Variants in ANKRD12 observed in about 807,000 individuals in gnomAD.
ANKRD12 encodes the protein ankyrin repeat domain 12, also known as ankyrin repeat domain-containing protein 12.
A neutral mutation model predicts 183.4 loss-of-function variants in ANKRD12; 85 were observed. That is an observed-to-expected ratio of 0.46 (90% CI 0.39 to 0.56). The LOEUF (loss-of-function observed/expected upper bound fraction) is 0.56. Ranked by LOEUF, ANKRD12 falls within the 20% of genes least tolerant of loss-of-function variation. The pLI is 0.00. For missense variants in ANKRD12, 2,405 were observed against 2,357.1 expected (o/e 1.02, Z -0.42); for synonymous variants, 914 against 800.2 (o/e 1.14, Z -2.40).
intron 8 of ANKRD12, chr18:9,235,651 AT>A (rs773241963): frequency 2.2e-6 from 1 of 456,282 alleles, no homozygotes; most frequent in South Asian, 1.5e-5. Context: ...CCAGCTACCA[AT>A]TTGCAGGAAA....
In ANKRD12 at chr18:9,266,480, T is replaced by C. The variant is rs923604040; in HGVS notation, c.5763+2592T>C. On this transcript the variant is annotated intron_variant, in intron 10 of 12. Coordinates refer to ENST00000262126, the MANE Select transcript of ANKRD12 (RefSeq NM_015208.5). ...CAATATTCAACATTCTTAAAGAAAA[T>C]AATTTTCAACCCAGAATTTCATATC... 5.3e-5 allele frequency among the ~76,000 whole-genome samples: 8 copies of C among 152,010 alleles called. No homozygotes were observed. In the East Asian group the frequency reaches 1.2e-3, roughly 22 times the overall value.
intron 1 of ANKRD12, among the ~76,000 whole-genome samples, chr18:9,165,288 CTT>C (rs2031913707): frequency 6.6e-6 from 1 of 152,024 alleles, no homozygotes; most frequent in African/African-American, 2.4e-5. Flanking sequence ...CTATGTGTGT[CTT>C]TGCATGTGAA....
chr18:9,156,620 G>A (rs2030499582), intron 1 of ANKRD12, among the ~76,000 whole-genome samples: 2 of 152,066 alleles, frequency 1.3e-5, no homozygotes, highest in Admixed American at 1.3e-4. Flanking sequence ...GCAAAGGAAG[G>A]ATTTATCAAG....
At chr18:9,217,006 T>C (rs1013561336) in intron 7 of ANKRD12, 106 bp downstream of exon 7, 6 of 1,043,282 alleles carry the variant, frequency 5.8e-6, no homozygotes, top group African/African-American at 1.7e-5. Flanking sequence ...CATATTCCAC[T>C]CATTGCTTGA....
intron 3 of ANKRD12, 112 bp from the exon 4 acceptor site, chr18:9,204,364 A>G: frequency 1.3e-6 from 1 of 753,278 alleles, no homozygotes; most frequent in Non-Finnish European, 2.2e-6. Flanking sequence ...ATCTTTTGGC[A>G]AAACAATAAT....
Position 9,255,818 on chromosome 18 carries a change from C to T in ANKRD12, c.2551C>T (p.His851Tyr). 1.3e-6 allele frequency: 2 copies of T among 1,574,628 alleles called. No homozygotes were observed. Among genetic ancestry groups the T allele is most frequent in the East Asian group, 2.3e-5 (1 of 44,046 alleles). Residue 851 changes from histidine to tyrosine, a missense_variant, in exon 9 of 13, where the codon CAT becomes TAT. By Grantham distance (83) the His-to-Tyr change is moderately conservative (BLOSUM62 2). Around this residue, in one of 7 missense-constraint regions of ANKRD12, gnomAD observed 1,983 missense variants for 1,725.9 expected, o/e 1.15. Transcript: ENST00000262126. ...FEKEKKIKHE[H>Y]KSEKDKLDLS... Reference sequence around the variant, plus strand: ...AAAAGAAAAGAAGATAAAACATGAGCATAAGTCAGAAAAAGACAAATTAGA... The same window carrying T: ...AAAAGAAAAGAAGATAAAACATGAGTATAAGTCAGAAAAAGACAAATTAGA...
chr18:9,257,537 G>C lies in ANKRD12; in HGVS notation c.4270G>C (p.Asp1424His). The change falls in exon 9 of 13, where the codon GAT becomes CAT. Residue 1424 changes from aspartate (D) to histidine (H), a missense_variant. Physicochemically the swap from Asp to His is moderately conservative, Grantham distance 81 (BLOSUM62 -1). Around this residue, in one of 7 missense-constraint regions of ANKRD12, gnomAD observed 1,983 missense variants for 1,725.9 expected, o/e 1.15. Coordinates refer to ENST00000262126, the MANE Select transcript of ANKRD12 (RefSeq NM_015208.5). ...GAATAAATCATGGGAGATGCCTGTT[G>C]ATAGACTAGAGACATTAAGCACCAG... ...IQNKSWEMPV[D>H]RLETLSTRDF... 4 of 1,614,094 alleles carry C rather than the reference G, an allele frequency of 2.5e-6. No individual in the cohort carries two copies. Among genetic ancestry groups the C allele is most frequent in the Non-Finnish European group, 3.4e-6 (4 of 1,179,982 alleles).
chr18:9,151,776 T>C (rs1323647658), intron 1 of ANKRD12, among the ~76,000 whole-genome samples: 1 of 152,252 alleles, frequency 6.6e-6, no homozygotes, highest in African/African-American at 2.4e-5. Flanking sequence ...CTCAGAGTTC[T>C]CTCTTTACTT....
chr18:9,269,605 A>G (rs2039488586), intron 10 of ANKRD12, among the ~76,000 whole-genome samples: 1 of 152,258 alleles, frequency 6.6e-6, no homozygotes, highest in Non-Finnish European at 1.5e-5. Flanking sequence ...CTTACACCTT[A>G]TACAAAAATT....
At chr18:9,242,048 T>TATAC (rs542745882) in intron 8 of ANKRD12, among the ~76,000 whole-genome samples, 31 of 151,694 alleles carry the variant, frequency 2.0e-4, no homozygotes, top group African/African-American at 6.8e-4. Flanking sequence ...TGTATATATA[T>TATAC]ACACACACAC....
intron 1 of ANKRD12, among the ~76,000 whole-genome samples, chr18:9,180,437 A>C (rs1305768990): frequency 6.6e-6 from 1 of 151,748 alleles, no homozygotes; most frequent in African/African-American, 2.4e-5. Context: ...TTTGTGTTTT[A>C]TATTATTATT....
At chr18:9,241,273 A>G (rs2037646951) in intron 8 of ANKRD12, among the ~76,000 whole-genome samples, 1 of 152,212 alleles carries the variant, frequency 6.6e-6, no homozygotes, top group African/African-American at 2.4e-5. Flanking sequence ...AGAGCATTTT[A>G]TAGAGTAGTT....
rs1187378366 is a variant in ANKRD12 at position 9,225,245 on chromosome 18, G to A, written c.943+3246G>A. ...CCCAGCACTTTTGGGAAGTCGAGGC[G>A]GACAGATCACTTGAGCCCAGGAGTT... On this transcript the variant is annotated intron_variant, in intron 8 of 12. Coordinates refer to ENST00000262126, the MANE Select transcript of ANKRD12 (RefSeq NM_015208.5). Among the ~76,000 whole-genome samples, 6 of 93,794 alleles carry A rather than the reference G, an allele frequency of 6.4e-5. 2 individuals are homozygous for A. The highest frequency in any genetic ancestry group is 1.1e-3 in the South Asian group (2 of 1,758). 61.5% of individuals were successfully genotyped at this position (93,794 alleles called of 152,430 possible).
In ANKRD12 at chr18:9,282,491, A is replaced by G. The variant is rs2040136483; in HGVS notation, c.*1365A>G. The stretch of plus-strand genomic sequence containing the variant: ...CTTTAAAAAAAATCCAGTTTCTCCT[A>G]TAACATGATGTAAATTAAATATTCA... On this transcript the variant is annotated 3_prime_UTR_variant, in exon 13 of 13. Transcript: ENST00000262126. The G allele has an allele frequency of 1.3e-5, 2 of 152,618 alleles. No homozygotes were observed. Among genetic ancestry groups the G allele is most frequent in the African/African-American group, 2.4e-5 (1 of 41,464 alleles). 9.5% of individuals were successfully genotyped at this position (152,618 alleles called of 1,614,324 possible).
rs750497882 is a variant in ANKRD12, at chr18:9,263,896, A to G, written c.5763+8A>G. ...CAACACAGTATTGAAAGGGTAAGAAATGTTTAAATTTACACTTATGCTAAA... is the reference window on the plus strand; with the variant it reads ...CAACACAGTATTGAAAGGGTAAGAAGTGTTTAAATTTACACTTATGCTAAA... On this transcript the variant is annotated splice_region_variant and intron_variant, in intron 10 of 12. Coordinates refer to ENST00000262126, the MANE Select transcript of ANKRD12 (RefSeq NM_015208.5). 5.6e-6 allele frequency: 8 copies of G among 1,431,920 alleles called. No individual in the cohort carries two copies. Among genetic ancestry groups the G allele is most frequent in the African/African-American group, 2.9e-5 (2 of 69,344 alleles). The allele number at this position is 1,431,920 out of a possible 1,614,324, so 88.7% of individuals were successfully genotyped here. A position where few individuals can be genotyped will look rare whatever the true frequency, so the allele number is the denominator to read the frequency against.
At chr18:9,259,943 GTTGCTGTTATTT>G (rs1199517983) in intron 9 of ANKRD12, 5 of 152,102 alleles carry the variant, frequency 3.3e-5, no homozygotes, top group African/African-American at 1.2e-4. Flanking sequence ...ATTTAAGGTG[GTTGCTGTTATTT>G]TATACAGCTG....
At chr18:9,225,541 A>G (rs189827393) in intron 8 of ANKRD12, among the ~76,000 whole-genome samples, 8 of 152,172 alleles carry the variant, frequency 5.3e-5, no homozygotes, top group South Asian at 2.1e-4. Flanking sequence ...TAGAAATACT[A>G]ATTTTTCCCC....
intron 8 of ANKRD12, among the ~76,000 whole-genome samples, chr18:9,236,197 T>C (rs1395615194): frequency 2.0e-5 from 3 of 152,074 alleles, no homozygotes; most frequent in African/African-American, 7.2e-5. Context: ...ACATCGATAT[T>C]TGAAGGAAAT....
intron 9 of ANKRD12, among the ~76,000 whole-genome samples, chr18:9,263,043 A>G (rs1164777551): frequency 1.3e-5 from 2 of 151,930 alleles, no homozygotes; most frequent in Non-Finnish European, 2.9e-5. Context: ...TGATCCACCC[A>G]TCTTGGCCTC....
Sources: allele counts gnomAD v4.1 joint callset (sites outside exome capture counted in the v4.1 genomes callset), GRCh38; gene constraint gnomAD v4.1.1; regional missense constraint gnomAD v4.1.1; transcripts MANE v1.5; gene names NCBI Gene and HGNC (gene_info 2026-07-23, HGNC 2026-07-21).